STK4: variants seen among roughly 807,000 people sequenced by gnomAD.
The protein encoded by STK4 is serine/threonine kinase 4, also known as serine/threonine-protein kinase 4.
In STK4, 30 loss-of-function variants were observed where a neutral mutation model predicts 64.9. That is an observed-to-expected ratio of 0.46 (90% CI 0.35 to 0.63). The LOEUF is 0.63. STK4 is among the 20% of genes least tolerant of loss of function. The pLI, the probability that STK4 is intolerant of heterozygous loss-of-function variation, is 0.01. For synonymous variants in STK4, 177 were observed against 199.0 expected (o/e 0.89, Z 0.93); for missense variants, 466 against 598.5 (o/e 0.78, Z 2.31).
rs189088426 is a variant in STK4, at chr20:45,062,932, C to T, written c.1306-12086C>T. ...GTCTCAATCTCCTGACCTCGTGATC[C>T]GCCCGCCTCGGCCTCCCAAAGTGCT... On this transcript the variant is annotated intron_variant, in intron 10 of 10. Transcript: ENST00000372806. 4.9e-4 allele frequency among the ~76,000 whole-genome samples: 72 copies of T among 146,912 alleles called. No individual in the cohort carries two copies. In the East Asian group the frequency reaches 9.1e-3, roughly 19 times the overall value.
At chr20:45,000,714 C>G (rs2067822477) in intron 8 of STK4, 194 bp downstream of exon 8, 2 of 770,166 alleles carry the variant, frequency 2.6e-6, no homozygotes, top group South Asian at 4.1e-5. Context: ...CCAGTGCTTC[C>G]TAAAACACTT....
chr20:44,991,455 G>C, intron 5 of STK4, among the ~76,000 whole-genome samples: 1 of 152,170 alleles, frequency 6.6e-6, no homozygotes, highest in Non-Finnish European at 1.5e-5. Context: ...ATTTCTTCTA[G>C]AAGTGAACAG....
chr20:45,074,990 G>A lies in STK4; in HGVS notation c.1306-28G>A, dbSNP rs3746585. ...TTCTGCCACTGACTTAAGCTTTGTC[G>A]TGACTATACCTTCCACTTCTCTTCT... On this transcript the variant is annotated intron_variant, in intron 10 of 10. Coordinates refer to ENST00000372806, the MANE Select transcript of STK4 (RefSeq NM_006282.5). 9,456 of 1,613,336 alleles carry A rather than the reference G, an allele frequency of 5.9e-3. 394 individuals are homozygous for A. In the East Asian group the frequency reaches 0.12, roughly 20 times the overall value.
chr20:45,028,329 T>C (rs938332455), intron 10 of STK4, among the ~76,000 whole-genome samples: 13 of 142,754 alleles, frequency 9.1e-5, no homozygotes, highest in South Asian at 2.2e-4. Context: ...ATATCTCTCT[T>C]TTTTTTTTTT....
chr20:44,998,533 T>A (rs1440605504), intron 7 of STK4, among the ~76,000 whole-genome samples: 6 of 152,218 alleles, frequency 3.9e-5, no homozygotes, highest in African/African-American at 1.4e-4. Flanking sequence ...AACCAATGTA[T>A]ATATTTAAAA....
chr20:45,013,102 G>A (rs1481055442), intron 9 of STK4, among the ~76,000 whole-genome samples: 1 of 151,266 alleles, frequency 6.6e-6, no homozygotes, highest in Non-Finnish European at 1.5e-5. Flanking sequence ...CCTGGCCAAG[G>A]TTTTTTTCTT....
chr20:45,048,251 A>G (rs1055207837), intron 10 of STK4, among the ~76,000 whole-genome samples: 5 of 152,168 alleles, frequency 3.3e-5, no homozygotes, highest in African/African-American at 1.2e-4. Context: ...GAAGATACTA[A>G]TCATATTTAC....
At chr20:44,990,912 T>C (rs748311853) in intron 5 of STK4, among the ~76,000 whole-genome samples, 48 of 152,306 alleles carry the variant, frequency 3.2e-4, no homozygotes, top group Non-Finnish European at 2.1e-4. Flanking sequence ...GAGGGGTTGG[T>C]GTTAAAATCA....
chr20:44,999,080 CAAAG>C lies in STK4; in HGVS notation c.832-1308_832-1305del, dbSNP rs557674825. On this transcript the variant is annotated intron_variant, in intron 7 of 10. Coordinates refer to ENST00000372806, the MANE Select transcript of STK4 (RefSeq NM_006282.5). ...AAGACTCCATCTCAAAAAAAAAAAA[CAAAG>C]AAAAGGAAAAGAAAATCAGAAACTA... Among the ~76,000 whole-genome samples the C allele has an allele frequency of 2.7e-3, 384 of 139,932 alleles. 1 individual carries two copies. The highest frequency in any genetic ancestry group is 9.5e-3 in the African/African-American group (364 of 38,322). The allele number at this position is 139,932 out of a possible 152,430, so 91.8% of individuals were successfully genotyped here.
intron 1 of STK4, among the ~76,000 whole-genome samples, chr20:44,968,820 G>A (rs946330541): frequency 1.3e-5 from 2 of 152,202 alleles, no homozygotes; most frequent in Non-Finnish European, 2.9e-5. Context: ...ATTGTAACTA[G>A]TAGATTGCCT....
chr20:44,989,678 G>T (rs2067598297), intron 5 of STK4, among the ~76,000 whole-genome samples: 1 of 152,066 alleles, frequency 6.6e-6, no homozygotes, highest in Non-Finnish European at 1.5e-5. Flanking sequence ...GGGTCATGGA[G>T]ATTTACTCCT....
intron 9 of STK4, among the ~76,000 whole-genome samples, chr20:45,012,022 ACT>A (rs1243271104): frequency 1.4e-5 from 2 of 145,676 alleles, no homozygotes. Flanking sequence ...AATTTATATC[ACT>A]CTTCTCCGAT....
chr20:45,027,430 CAAAAAA>C (rs35208496), intron 10 of STK4, among the ~76,000 whole-genome samples: 1 of 79,410 alleles, frequency 1.3e-5, no homozygotes, highest in Non-Finnish European at 2.5e-5. Context: ...AACTCCGTCT[CAAAAAA>C]AAAAAAAAAA....
intron 9 of STK4, among the ~76,000 whole-genome samples, chr20:45,004,095 C>A (rs962791127): frequency 1.3e-5 from 2 of 150,310 alleles, no homozygotes; most frequent in African/African-American, 4.9e-5. Context: ...TGATCACAAC[C>A]AGTTTTTTCT....
intron 1 of STK4, among the ~76,000 whole-genome samples, chr20:44,970,114 G>C (rs1271924637): frequency 6.6e-6 from 1 of 151,880 alleles, no homozygotes; most frequent in African/African-American, 2.4e-5. Context: ...AGATGTATTC[G>C]AGCCGTCATA....
chr20:44,996,543 C>T (rs978568551), intron 6 of STK4, among the ~76,000 whole-genome samples: 6 of 152,084 alleles, frequency 3.9e-5, no homozygotes, highest in African/African-American at 1.2e-4. Context: ...ATTTAAGCTG[C>T]TTATTTGTAT....
At chr20:45,062,054 A>G (rs1339805797) in intron 10 of STK4, among the ~76,000 whole-genome samples, 1 of 151,646 alleles carries the variant, frequency 6.6e-6, no homozygotes, top group East Asian at 1.9e-4. Context: ...TAATTTTTGT[A>G]TTTTTAGTAG....
intron 1 of STK4, among the ~76,000 whole-genome samples, chr20:44,967,685 A>G (rs1390407254): frequency 1.4e-5 from 2 of 138,842 alleles, no homozygotes; most frequent in Non-Finnish European, 3.3e-5. Context: ...GTGCAGGGCA[A>G]CCAAGAGGTG....
intron 5 of STK4, among the ~76,000 whole-genome samples, chr20:44,991,751 C>G (rs2067638384): frequency 6.6e-6 from 1 of 152,102 alleles, no homozygotes; most frequent in Non-Finnish European, 1.5e-5. Flanking sequence ...CAGCCTCAAC[C>G]ACCAGGCTTA....
Sources: allele counts gnomAD v4.1 joint callset (sites outside exome capture counted in the v4.1 genomes callset), GRCh38; gene constraint gnomAD v4.1.1; transcripts MANE v1.5; gene names NCBI Gene and HGNC (gene_info 2026-07-23, HGNC 2026-07-21).